PTPRR: variants seen among roughly 807,000 people sequenced by gnomAD.
PTPRR encodes the protein protein tyrosine phosphatase receptor type R.
Under a neutral mutation model 77.2 loss-of-function variants are expected in PTPRR, and 38 were observed. The ratio of observed to expected loss-of-function variants is 0.49; its 90% CI spans 0.38 to 0.65. The LOEUF is 0.65. PTPRR is among the 30% of genes least tolerant of loss of function. The pLI, the probability that PTPRR is intolerant of heterozygous loss-of-function variation, is 0.00. For synonymous variants in PTPRR, 299 were observed against 283.1 expected, an observed-to-expected ratio of 1.06 and a Z score of -0.57; for missense variants, 744 against 799.2, an observed-to-expected ratio of 0.93 and a Z score of 0.83.
At chr12:70,848,785 G>A (rs1892526670) in intron 2 of PTPRR, among the ~76,000 whole-genome samples, 1 of 152,050 alleles carries the variant, frequency 6.6e-6, no homozygotes, top group Admixed American at 6.6e-5. Context: ...AAAACACTGG[G>A]GTAGAATATG....
intron 2 of PTPRR, among the ~76,000 whole-genome samples, chr12:70,884,268 C>G (rs1893198769): frequency 6.6e-6 from 1 of 152,094 alleles, no homozygotes; most frequent in Non-Finnish European, 1.5e-5. Flanking sequence ...CCAAATGCCC[C>G]GAAAGCCCAG....
At chr12:70,748,394 T>C (rs1171709734) in intron 5 of PTPRR, among the ~76,000 whole-genome samples, 1 of 152,188 alleles carries the variant, frequency 6.6e-6, no homozygotes, top group African/African-American at 2.4e-5. Context: ...ATCTGGAATA[T>C]AGCATATTCA....
Position 70,659,296 on chromosome 12 carries a change from G to GT in PTPRR, c.1766+1643dup, listed in dbSNP as rs982480525. 6.2e-4 allele frequency among the ~76,000 whole-genome samples: 94 copies of GT among 152,222 alleles called. 1 individual carries two copies. The highest frequency in any genetic ancestry group is 3.4e-3 in the Middle Eastern group (1 of 294). ...GGCGGTGAGAGCATGGGGGAATGCG[G>GT]TATGTGTGTGCATTTTACCAGCTAC... is the stretch of plus-strand genomic sequence containing the variant. On this transcript the variant is annotated intron_variant, in intron 12 of 13. Transcript: ENST00000283228.
chr12:70,792,934 A>C lies in PTPRR; in HGVS notation c.358-28156T>G, dbSNP rs191206558. 3.2e-4 allele frequency among the ~76,000 whole-genome samples: 49 copies of C among 152,278 alleles called. No individual in the cohort carries two copies. The East Asian group carries it at 9.3e-3, about 29-fold the overall frequency. ...TTCTTTCCATTTAAGGAAAGACAAA[A>C]ACCAAATTTATGGTGAAGTTTGGAT... On this transcript the variant is annotated intron_variant, in intron 2 of 13. Coordinates refer to ENST00000283228, the MANE Select transcript of PTPRR (RefSeq NM_002849.4).
At chr12:70,870,171 T>A (rs549910699) in intron 2 of PTPRR, among the ~76,000 whole-genome samples, 42 of 152,134 alleles carry the variant, frequency 2.8e-4, no homozygotes, top group African/African-American at 9.9e-4. Flanking sequence ...CCATCAATCA[T>A]CTCCAGTTCT....
Position 70,754,878 on chromosome 12 carries a change from T to A in PTPRR, c.628-577A>T, listed in dbSNP as rs377580302. On this transcript the variant is annotated intron_variant, in intron 4 of 13. Transcript: ENST00000283228. ...ACTAAAATATCATCTCAAGAATACA[T>A]ATTGTTAGAATATCACATATTTTTC... 6.0e-6 allele frequency: 4 copies of A among 663,328 alleles called. No individual in the cohort carries two copies. In the East Asian group the frequency reaches 1.5e-4, roughly 26 times the overall value. The allele number at this position is 663,328 out of a possible 1,614,324, so 41.1% of individuals were successfully genotyped here. A position where few individuals can be genotyped will look rare whatever the true frequency, so the allele number is the denominator to read the frequency against.
intron 7 of PTPRR, among the ~76,000 whole-genome samples, chr12:70,700,405 TA>T (rs913050517): frequency 2.6e-5 from 4 of 152,222 alleles, no homozygotes; most frequent in African/African-American, 9.6e-5. Context: ...CTGGTATGTC[TA>T]AAACTGAATT....
intron 10 of PTPRR, among the ~76,000 whole-genome samples, chr12:70,679,298 A>T (rs1887568071): frequency 6.6e-6 from 1 of 152,208 alleles, no homozygotes; most frequent in Non-Finnish European, 1.5e-5. Context: ...CATATTTAAA[A>T]TGATTTTGAT....
Position 70,791,872 on chromosome 12 carries a change from T to A in PTPRR, c.358-27094A>T, listed in dbSNP as rs1467549945. ...TTAAAATACAAAATTACCATGTGTA[T>A]CTGGAAAATGATTGTGGTTGACAGT... On this transcript the variant is annotated intron_variant, in intron 2 of 13. Coordinates refer to ENST00000283228, the MANE Select transcript of PTPRR (RefSeq NM_002849.4). 2.0e-5 allele frequency among the ~76,000 whole-genome samples: 3 copies of A among 152,334 alleles called. No homozygotes were observed. The East Asian group carries it at 5.8e-4, about 29-fold the overall frequency.
At chr12:70,706,307 C>T (rs577656463) in intron 6 of PTPRR, among the ~76,000 whole-genome samples, 2 of 152,080 alleles carry the variant, frequency 1.3e-5, no homozygotes, top group South Asian at 2.1e-4. Context: ...ACACGGACCA[C>T]TAGGAAAGTT....
chr12:70,766,683 G>C (rs1436302271), intron 2 of PTPRR, among the ~76,000 whole-genome samples: 1 of 151,066 alleles, frequency 6.6e-6, no homozygotes, highest in South Asian at 2.1e-4. Context: ...GATACTCCTC[G>C]AGAAGAGCAA....
At chr12:70,675,981 A>G (rs1887431041) in intron 10 of PTPRR, among the ~76,000 whole-genome samples, 1 of 151,272 alleles carries the variant, frequency 6.6e-6, no homozygotes, top group South Asian at 2.1e-4. Flanking sequence ...TGTGATTTAC[A>G]TTTACCTATT....
At chr12:70,652,291 A>C (rs1886424333) in intron 13 of PTPRR, among the ~76,000 whole-genome samples, 1 of 152,202 alleles carries the variant, frequency 6.6e-6, no homozygotes, top group Non-Finnish European at 1.5e-5. Context: ...GACTGGAACA[A>C]GAGGCAAGAA....
intron 13 of PTPRR, among the ~76,000 whole-genome samples, chr12:70,650,259 A>G (rs1886345788): frequency 6.6e-6 from 1 of 152,068 alleles, no homozygotes; most frequent in Non-Finnish European, 1.5e-5. Flanking sequence ...CCTGGCCAAC[A>G]TGGTGAAATC....
chr12:70,688,367 C>A (rs1887944173), intron 8 of PTPRR, among the ~76,000 whole-genome samples: 1 of 151,924 alleles, frequency 6.6e-6, no homozygotes, highest in South Asian at 2.1e-4. Context: ...AGAAAATAAT[C>A]GTATTAGAAA....
intron 2 of PTPRR, among the ~76,000 whole-genome samples, chr12:70,770,070 A>C (rs1356541119): frequency 6.6e-6 from 1 of 151,552 alleles, no homozygotes; most frequent in Non-Finnish European, 1.5e-5. Flanking sequence ...AAGAAAACCT[A>C]GGCATTACCA....
rs1893359026 is a variant in PTPRR at position 70,892,737 on chromosome 12, T to C, written c.299A>G (p.Asp100Gly). The change falls in exon 2 of 14, where the codon GAT becomes GGT. Residue 100 changes from aspartate (D) to glycine (G), a missense_variant. By Grantham distance (94) the Asp-to-Gly change is moderately conservative. Transcript: ENST00000283228. Reference protein sequence around the residue: ...YDPSLNLLAMDGQDLEVENLP... With the variant: ...YDPSLNLLAMGGQDLEVENLP... ...ATTTTCCACTTCAAGATCTTGACCATCCATGGCCAGCAGATTGAGAGACGG... is the reference window on the plus strand; with the variant it reads ...ATTTTCCACTTCAAGATCTTGACCACCCATGGCCAGCAGATTGAGAGACGG... 1 of 1,613,366 alleles carries C rather than the reference T, an allele frequency of 6.2e-7. No homozygotes were observed. Among genetic ancestry groups the C allele is most frequent in the Non-Finnish European group, 8.5e-7 (1 of 1,179,558 alleles).
chr12:70,765,215 C>A (rs979278825), intron 2 of PTPRR, among the ~76,000 whole-genome samples: 3 of 152,200 alleles, frequency 2.0e-5, no homozygotes, highest in African/African-American at 7.2e-5. Context: ...GGCATTGCCT[C>A]ACTCGGGAAG....
chr12:70,748,342 T>C (rs1482463506), intron 5 of PTPRR, among the ~76,000 whole-genome samples: 1 of 152,150 alleles, frequency 6.6e-6, no homozygotes, highest in African/African-American at 2.4e-5. Context: ...TCCGAAAGCA[T>C]CTGGAAAAGT....
Sources: gnomAD v4.1 joint callset for allele counts (sites outside exome capture counted in the v4.1 genomes callset) on GRCh38, gnomAD v4.1.1 for gene constraint, MANE v1.5 for transcripts, NCBI Gene and HGNC (gene_info 2026-07-23, HGNC 2026-07-21) for gene names.